Variants in RFX3 observed in about 807,000 individuals in gnomAD.
RFX3 encodes regulatory factor X3, also known as transcription factor RFX3.
RFX3 carries 14 observed loss-of-function variants against 98.6 expected under a neutral mutation model. That is an observed-to-expected ratio of 0.14 (90% CI 0.09 to 0.22). RFX3 has a LOEUF of 0.22. Among genes scored for constraint, RFX3 ranks in the 10% least tolerant of loss-of-function variants. RFX3 has a pLI of 1.00. For synonymous variants in RFX3, 383 were observed against 328.4 expected (o/e 1.17, Z -1.80); for missense variants, 639 against 926.9 (o/e 0.69, Z 4.03).
At chr9:3,391,511 T>A (rs1434494898) in intron 2 of RFX3, among the ~76,000 whole-genome samples, 1 of 152,100 alleles carries the variant, frequency 6.6e-6, no homozygotes, top group Admixed American at 6.6e-5. Context: ...ATATAAGGTA[T>A]CACCTGCCTT....
intron 15 of RFX3, among the ~76,000 whole-genome samples, chr9:3,231,773 C>G (rs917054861): frequency 6.6e-6 from 1 of 151,910 alleles, no homozygotes. Flanking sequence ...AAATCAAAAA[C>G]AGAAGAGAGG....
At chr9:3,415,361 T>C (rs1700070295) in intron 1 of RFX3, among the ~76,000 whole-genome samples, 2 of 151,586 alleles carry the variant, frequency 1.3e-5, no homozygotes, top group Admixed American at 6.6e-5. Flanking sequence ...ATTAGAGGCG[T>C]GAGCCACCCT....
chr9:3,261,348 T>C (rs1163851166), intron 13 of RFX3, among the ~76,000 whole-genome samples: 1 of 152,110 alleles, frequency 6.6e-6, no homozygotes, highest in Admixed American at 6.6e-5. Flanking sequence ...ACCTTCTGTC[T>C]GTATAGATGT....
chr9:3,299,947 T>C (rs1828443921), intron 5 of RFX3, among the ~76,000 whole-genome samples: 2 of 151,470 alleles, frequency 1.3e-5, no homozygotes, highest in Non-Finnish European at 3.0e-5. Flanking sequence ...GAACCCTGAG[T>C]TGAATATGAA....
chr9:3,524,374 G>A (rs1819006064), intron 1 of RFX3: 1 of 246,238 alleles, frequency 4.1e-6, no homozygotes, highest in Non-Finnish European at 6.5e-6. Flanking sequence ...TCTCTCCTGA[G>A]CAGGTTCAAG....
At chr9:3,248,249 T>C in intron 14 of RFX3, 64 bp from the exon 15 acceptor site, 2 of 1,485,350 alleles carry the variant, frequency 1.3e-6, no homozygotes, top group Non-Finnish European at 1.8e-6. Flanking sequence ...ATTCTACCTA[T>C]TTTTCCTCTT....
chr9:3,334,821 T>C (rs1284900380), intron 3 of RFX3, among the ~76,000 whole-genome samples: 3 of 152,076 alleles, frequency 2.0e-5, no homozygotes, highest in Non-Finnish European at 4.4e-5. Flanking sequence ...ACAGGCTGAT[T>C]ATAATATCCT....
intron 4 of RFX3, among the ~76,000 whole-genome samples, chr9:3,329,286 T>A (rs1056594340): frequency 6.6e-6 from 1 of 151,596 alleles, no homozygotes; most frequent in African/African-American, 2.4e-5. Flanking sequence ...CATGTGGCTG[T>A]AGTCCCAGCT....
intron 1 of RFX3, among the ~76,000 whole-genome samples, chr9:3,447,182 A>G (rs1453047169): frequency 1.3e-5 from 2 of 152,162 alleles, no homozygotes; most frequent in Non-Finnish European, 2.9e-5. Context: ...ATTTATGCTA[A>G]AAAGCATTCC....
At chr9:3,403,618 T>C (rs555639611) in intron 1 of RFX3, among the ~76,000 whole-genome samples, 12 of 152,294 alleles carry the variant, frequency 7.9e-5, no homozygotes, top group African/African-American at 2.2e-4. Context: ...GAATAGATTA[T>C]GAAAAACTAT....
intron 13 of RFX3, among the ~76,000 whole-genome samples, chr9:3,259,706 A>T (rs903143584): frequency 6.6e-5 from 10 of 152,034 alleles, no homozygotes; most frequent in Non-Finnish European, 1.3e-4. Context: ...CTATCAATTA[A>T]ATGAAACAGG....
chr9:3,365,690 C>T (rs773261450), intron 2 of RFX3, among the ~76,000 whole-genome samples: 5 of 152,080 alleles, frequency 3.3e-5, no homozygotes, highest in Non-Finnish European at 7.4e-5. Context: ...AACACAGTTT[C>T]ATAAAGTATT....
intron 7 of RFX3, among the ~76,000 whole-genome samples, chr9:3,282,703 T>C (rs142819807): frequency 1.7e-3 from 254 of 151,918 alleles, no homozygotes; most frequent in African/African-American, 5.8e-3. Context: ...GCTACAAGTA[T>C]GCATGACACT....
At position 3,504,874 on chromosome 9, in the gene RFX3, A is replaced by ATAT. The variant is rs1554727967; in HGVS notation, c.-9+20870_-9+20872dup. On this transcript the variant is annotated intron_variant, in intron 1 of 16. Coordinates refer to ENST00000617270, the MANE Select transcript of RFX3 (RefSeq NM_001282116.2). ...TTATATATGATATAATATATATTAT[A>ATAT]TATATTATATATAATATAACATATA... 3.8e-3 allele frequency among the ~76,000 whole-genome samples: 275 copies of ATAT among 73,282 alleles called. 2 individuals are homozygous for ATAT. The highest frequency in any genetic ancestry group is 0.016 in the Middle Eastern group (1 of 62). 48.1% of individuals were successfully genotyped at this position (73,282 alleles called of 152,430 possible). A position where few individuals can be genotyped will look rare whatever the true frequency, so the allele number is the denominator to read the frequency against.
At chr9:3,299,893 A>C (rs980106593) in intron 5 of RFX3, among the ~76,000 whole-genome samples, 2 of 151,750 alleles carry the variant, frequency 1.3e-5, no homozygotes, top group African/African-American at 4.8e-5. Flanking sequence ...TTTAAAATTA[A>C]ACATATAACA....
At chr9:3,365,446 GACTTTT>G (rs781352834) in intron 2 of RFX3, among the ~76,000 whole-genome samples, 93 of 152,004 alleles carry the variant, frequency 6.1e-4, no homozygotes, top group Non-Finnish European at 1.2e-3. Flanking sequence ...ACCAACAAAA[GACTTTT>G]ACTTTAGAGA....
In RFX3 at chr9:3,220,925, A is replaced by G. The variant is rs1817313836; in HGVS notation, c.*4117T>C. 6.6e-6 allele frequency: 1 copy of G among 152,198 alleles called. No homozygotes were observed. Among genetic ancestry groups the G allele is most frequent in the Non-Finnish European group, 1.5e-5 (1 of 68,032 alleles). 9.4% of individuals were successfully genotyped at this position (152,198 alleles called of 1,614,324 possible). Reference sequence around the variant, plus strand: ...TACATGGAGGTTGTTCTGATCTAACAACAAGCCCAATTTTCAACAGCACTG... The same window carrying G: ...TACATGGAGGTTGTTCTGATCTAACGACAAGCCCAATTTTCAACAGCACTG... On this transcript the variant is annotated 3_prime_UTR_variant, in exon 17 of 17. Transcript: ENST00000617270.
At chr9:3,510,061 A>G (rs1817517953) in intron 1 of RFX3, among the ~76,000 whole-genome samples, 1 of 152,012 alleles carries the variant, frequency 6.6e-6, no homozygotes, top group South Asian at 2.1e-4. Flanking sequence ...CCATTTGGAA[A>G]CATGTGTGAC....
At chr9:3,339,860 T>A (rs1340548581) in intron 3 of RFX3, among the ~76,000 whole-genome samples, 1 of 152,154 alleles carries the variant, frequency 6.6e-6, no homozygotes, top group Non-Finnish European at 1.5e-5. Context: ...GCCATCACCA[T>A]CAAGCTACCG....
Sources: allele counts gnomAD v4.1 joint callset (sites outside exome capture counted in the v4.1 genomes callset), GRCh38; gene constraint gnomAD v4.1.1; transcripts MANE v1.5; gene names NCBI Gene and HGNC (gene_info 2026-07-23, HGNC 2026-07-21).